CNBP: variants seen among roughly 807,000 people sequenced by gnomAD.
CNBP encodes the protein cellular nucleic acid-binding protein.
In CNBP, 6 loss-of-function variants were observed where a neutral mutation model predicts 21.2. The ratio of observed to expected loss-of-function variants is 0.28; its 90% CI spans 0.16 to 0.56. The LOEUF is 0.56. Ranked by LOEUF, CNBP falls within the 20% of genes least tolerant of loss-of-function variation. CNBP has a pLI of 0.93. For missense variants in CNBP, 112 were observed against 233.1 expected (o/e 0.48, Z 3.38); for synonymous variants, 61 against 74.9 (o/e 0.81, Z 0.96).
intron 1 of CNBP, among the ~76,000 whole-genome samples, chr3:129,182,253 G>C (rs928579172): frequency 3.3e-5 from 5 of 152,166 alleles, no homozygotes; most frequent in African/African-American, 9.7e-5. Context: ...TTAAAAGCAA[G>C]ATGGGGATAT....
rs1449118072 is a variant in CNBP at position 129,169,330 on chromosome 3, T to C, written c.*1123A>G. ...CCACCACCAAAAAACCTGTTCAGAC[T>C]GAACACAGAACTCAAGGGCATTATT... On this transcript the variant is annotated 3_prime_UTR_variant, in exon 5 of 5. Transcript: ENST00000422453. 1.3e-5 allele frequency among the ~76,000 whole-genome samples: 2 copies of C among 152,128 alleles called. No homozygotes were observed. The highest frequency in any genetic ancestry group is 2.9e-5 in the Non-Finnish European group (2 of 68,022).
chr3:129,178,170 A>AT (rs1174477607), intron 1 of CNBP, among the ~76,000 whole-genome samples: 5 of 151,468 alleles, frequency 3.3e-5, no homozygotes, highest in Admixed American at 6.6e-5. Flanking sequence ...AAAAAAAAAA[A>AT]AAAAAAAAAT....
chr3:129,181,655 A>AAAAAAAAAAAAAAAAAAAAAG (rs1264573788), intron 1 of CNBP, among the ~76,000 whole-genome samples: 18 of 141,708 alleles, frequency 1.3e-4, no homozygotes, highest in African/African-American at 5.3e-4. Context: ...GTCTCAGAAA[A>AAAAAAAAAAAAAAAAAAAAAG]AAAAAAAGAA....
At position 129,170,937 on chromosome 3, in the gene CNBP, C is replaced by T. The variant is rs559240074; in HGVS notation, c.416+142G>A. ...ACAGAATTATATACAGATAGACTGC[C>T]AGTTACATATGCTGAAAATTGGTCT... On this transcript the variant is annotated intron_variant, in intron 4 of 4. Transcript: ENST00000422453. 13 of 763,304 alleles carry T rather than the reference C, an allele frequency of 1.7e-5. No individual in the cohort carries two copies. The South Asian group carries it at 2.4e-4, about 14-fold the overall frequency. The allele number at this position is 763,304 out of a possible 1,614,324, so 47.3% of individuals were successfully genotyped here.
chr3:129,175,795 C>CT (rs1373829897), intron 1 of CNBP, among the ~76,000 whole-genome samples: 3 of 152,292 alleles, frequency 2.0e-5, no homozygotes, highest in East Asian at 1.9e-4. Context: ...AAAGAAAACA[C>CT]TAAGTCTTAA....
intron 1 of CNBP, among the ~76,000 whole-genome samples, chr3:129,182,573 T>C (rs181620107): frequency 8.5e-5 from 13 of 152,300 alleles, no homozygotes; most frequent in African/African-American, 3.1e-4. Context: ...TGGAAAAATC[T>C]AGATGGAGGG....
rs545118050 is a variant in CNBP at position 129,168,141 on chromosome 3, C to T, written c.*2312G>A. Among the ~76,000 whole-genome samples, 8 of 152,088 alleles carry T rather than the reference C, an allele frequency of 5.3e-5. No individual in the cohort carries two copies. Among genetic ancestry groups the T allele is most frequent in the African/African-American group, 9.7e-5 (4 of 41,428 alleles). ...GGAAAATGAACTATATGATGCTAAC[C>T]GCATTTAATTTCGAAGTGGGGGGAA... On this transcript the variant is annotated 3_prime_UTR_variant, in exon 5 of 5. Transcript: ENST00000422453.
intron 1 of CNBP, among the ~76,000 whole-genome samples, chr3:129,179,644 G>A (rs1198095461): frequency 2.0e-5 from 3 of 152,176 alleles, no homozygotes; most frequent in Non-Finnish European, 4.4e-5. Context: ...GCTGAGGAGG[G>A]AAGATCACTT....
chr3:129,178,158 CAAAAA>C (rs368723690), intron 1 of CNBP, among the ~76,000 whole-genome samples: 9 of 103,900 alleles, frequency 8.7e-5, no homozygotes, highest in African/African-American at 3.4e-4. Flanking sequence ...GACTCTGTCT[CAAAAA>C]AAAAAAAAAA....
intron 1 of CNBP, among the ~76,000 whole-genome samples, chr3:129,172,598 AG>A (rs1412442976): frequency 8.9e-5 from 3 of 33,882 alleles, no homozygotes; most frequent in African/African-American, 2.3e-4. Flanking sequence ...GCAGGCAGGC[AG>A]GCAGGCAGAC....
At chr3:129,179,017 C>A (rs1217359702) in intron 1 of CNBP, among the ~76,000 whole-genome samples, 1 of 152,112 alleles carries the variant, frequency 6.6e-6, no homozygotes, top group Non-Finnish European at 1.5e-5. Context: ...CTGGCTCACA[C>A]CTGTAATCCC....
chr3:129,179,229 A>G (rs1484996787), intron 1 of CNBP, among the ~76,000 whole-genome samples: 1 of 151,950 alleles, frequency 6.6e-6, no homozygotes, highest in African/African-American at 2.4e-5. Context: ...GTGAGCCGAG[A>G]TCATGCCATC....
intron 1 of CNBP, among the ~76,000 whole-genome samples, chr3:129,175,482 T>C (rs1576917994): frequency 6.9e-6 from 1 of 145,180 alleles, no homozygotes; most frequent in Admixed American, 7.0e-5. Flanking sequence ...CAGGCTGGAG[T>C]GCGGTGGCGC....
intron 1 of CNBP, among the ~76,000 whole-genome samples, chr3:129,172,302 C>T (rs1251237903): frequency 1.3e-5 from 2 of 152,238 alleles, no homozygotes; most frequent in South Asian, 2.1e-4. Context: ...TTGGTAGTGG[C>T]TGGGCACGGT....
chr3:129,171,962 G>A (rs904240875), intron 1 of CNBP, among the ~76,000 whole-genome samples, 191 bp from the exon 2 acceptor site: 1 of 151,730 alleles, frequency 6.6e-6, no homozygotes, highest in African/African-American at 2.4e-5. Context: ...GGTGGATCAT[G>A]AGATCGAGAC....
At chr3:129,170,624 C>CAAAAA in intron 4 of CNBP, 54 bp from the exon 5 acceptor site, 1 of 1,388,184 alleles carries the variant, frequency 7.2e-7, no homozygotes, top group Non-Finnish European at 1.0e-6. Flanking sequence ...AACTGTCTAC[C>CAAAAA]AAAGCAACAG....
At chr3:129,172,212 G>A (rs1393546912) in intron 1 of CNBP, among the ~76,000 whole-genome samples, 2 of 152,078 alleles carry the variant, frequency 1.3e-5, no homozygotes, top group South Asian at 2.1e-4. Context: ...GGGTATTATA[G>A]ACTTATTATA....
Position 129,169,760 on chromosome 3 carries a change from C to T in CNBP, c.*693G>A. 1 of 220,262 alleles carries T rather than the reference C, an allele frequency of 4.5e-6. No individual in the cohort carries two copies. Among genetic ancestry groups the T allele is most frequent in the Non-Finnish European group, 9.1e-6 (1 of 109,704 alleles). The allele number at this position is 220,262 out of a possible 1,614,324, so 13.6% of individuals were successfully genotyped here. On this transcript the variant is annotated 3_prime_UTR_variant, in exon 5 of 5. Coordinates refer to ENST00000422453, the MANE Select transcript of CNBP (RefSeq NM_003418.5). ...TGTGAAAATGCATTTCTCTGCAATTCCTGAATAGCTCCAAATTATGCTAAC... is the reference window on the plus strand; with the variant it reads ...TGTGAAAATGCATTTCTCTGCAATTTCTGAATAGCTCCAAATTATGCTAAC...
Position 129,171,093 on chromosome 3 carries a change from T to G in CNBP, c.402A>C (p.Lys134Asn). 1 of 1,613,638 alleles carries G rather than the reference T, an allele frequency of 6.2e-7. No individual in the cohort carries two copies. The highest frequency in any genetic ancestry group is 8.5e-7 in the Non-Finnish European group (1 of 1,180,004). Residue 134 changes from lysine to asparagine, a missense_variant, in exon 4 of 5, where the codon AAA becomes AAC. Coordinates refer to ENST00000422453, the MANE Select transcript of CNBP (RefSeq NM_003418.5). Reference protein sequence around the residue: ...EFGHIQKDCTKVKCYRCGETG... With the variant: ...EFGHIQKDCTNVKCYRCGETG... ...TGACACCTTACCTATAGCACTTCAC[T>G]TTGGTGCAGTCTTTTTGAATGTGTC... is the stretch of plus-strand genomic sequence containing the variant.
Sources: gnomAD v4.1 joint callset for allele counts (sites outside exome capture counted in the v4.1 genomes callset) on GRCh38, gnomAD v4.1.1 for gene constraint, MANE v1.5 for transcripts, NCBI Gene and HGNC (gene_info 2026-07-23, HGNC 2026-07-21) for gene names.